The following PLXNA1 variants were observed in gnomAD, a reference collection of about 807,000 sequenced individuals.
The protein encoded by PLXNA1 is plexin-A1.
Under a neutral mutation model 191.7 loss-of-function variants are expected in PLXNA1, and 77 were observed. That is an observed-to-expected ratio of 0.40 (90% CI 0.33 to 0.49). PLXNA1 has a LOEUF of 0.49. Among genes scored for constraint, PLXNA1 ranks in the 20% least tolerant of loss-of-function variants. The pLI, the probability that PLXNA1 is intolerant of heterozygous loss-of-function variation, is 0.63. For synonymous variants in PLXNA1, 1,137 were observed against 1,156.4 expected (o/e 0.98, Z 0.34); for missense variants, 2,110 against 2,660.2 (o/e 0.79, Z 4.55).
chr3:127,022,672 G>A (rs2079157744), intron 22 of PLXNA1, 80 bp from the exon 23 acceptor site: 13 of 1,297,670 alleles, frequency 1.0e-5, no homozygotes, highest in Admixed American at 3.4e-5. Context: ...GGGTGGGATC[G>A]GTGAGTGAGG....
intron 1 of PLXNA1, among the ~76,000 whole-genome samples, chr3:126,987,592 T>C (rs2078965472): frequency 4.6e-5 from 7 of 152,022 alleles, no homozygotes; most frequent in Admixed American, 3.9e-4. Context: ...TATGGGGTGC[T>C]GAGGCTGGGA....
chr3:127,020,577 G>A (rs577311551), intron 21 of PLXNA1, among the ~76,000 whole-genome samples: 1 of 152,144 alleles, frequency 6.6e-6, no homozygotes, highest in African/African-American at 2.4e-5. Flanking sequence ...CAGGGGAATG[G>A]CCAGCACGGC....
chr3:127,022,974 C>T (rs1052717303), intron 23 of PLXNA1, among the ~76,000 whole-genome samples, 156 bp downstream of exon 23: 1 of 152,218 alleles, frequency 6.6e-6, no homozygotes, highest in Non-Finnish European at 1.5e-5. Context: ...GGCATGCAGC[C>T]GCTCTCAGCT....
At position 127,005,197 on chromosome 3, in the gene PLXNA1, C is replaced by T; in HGVS notation, c.1851C>T (p.Cys617=). ...TCCTGGAGGATGGCCGGATCCACTG[C>T]CGCTCACCCTCCGCCCGGGAGGTGG... ...ESVLEDGRIH[C]RSPSAREVAP... Residue 617 remains cysteine (C), a synonymous_variant, in exon 7 of 32, where the codon TGC becomes TGT. Transcript: ENST00000393409. 1.2e-6 allele frequency: 2 copies of T among 1,612,014 alleles called. No individual in the cohort carries two copies. The highest frequency in any genetic ancestry group is 2.2e-5 in the East Asian group (1 of 44,850).
chr3:127,018,433 A>G lies in PLXNA1; in HGVS notation c.3800A>G (p.Tyr1267Cys), dbSNP rs979881860. 2 of 1,613,024 alleles carry G rather than the reference A, an allele frequency of 1.2e-6. No individual in the cohort carries two copies. Among genetic ancestry groups the G allele is most frequent in the Non-Finnish European group, 1.7e-6 (2 of 1,179,994 alleles). ...GTCATCGTGGCTGTGCTCATCGCCTACAAGCGCAAGTCACGAGATGCTGAC... is the reference window on the plus strand; with the variant it reads ...GTCATCGTGGCTGTGCTCATCGCCTGCAAGCGCAAGTCACGAGATGCTGAC... ...LLVIVAVLIA[Y>C]KRKSRDADRT... Residue 1267 changes from tyrosine to cysteine, a missense_variant, in exon 20 of 32, where the codon TAC (tyrosine) becomes TGC (cysteine). By Grantham distance (194) the Tyr-to-Cys change is radical. Around this residue, in one of 4 missense-constraint regions of PLXNA1, gnomAD observed 559 missense variants for 911.5 expected, o/e 0.61. Coordinates refer to ENST00000393409, the MANE Select transcript of PLXNA1 (RefSeq NM_032242.4).
At chr3:126,984,241 C>G (rs1345405448) in intron 1 of PLXNA1, among the ~76,000 whole-genome samples, 4 of 152,174 alleles carry the variant, frequency 2.6e-5, no homozygotes, top group Non-Finnish European at 5.9e-5. Flanking sequence ...GGGCGGCGAT[C>G]TGCCCCAGGC....
At chr3:127,018,680 G>C (rs1050281196) in intron 20 of PLXNA1, 152 bp downstream of exon 20, 1 of 681,542 alleles carries the variant, frequency 1.5e-6, no homozygotes, top group Non-Finnish European at 2.5e-6. Flanking sequence ...CTGGTCCCAG[G>C]GCAGTGGGCG....
At chr3:127,032,622 G>T (rs368747801) in intron 30 of PLXNA1, 23 bp downstream of exon 30, 1 of 1,610,298 alleles carries the variant, frequency 6.2e-7, no homozygotes, top group Non-Finnish European at 8.5e-7. Flanking sequence ...TGCAGGGGTC[G>T]GGGGCAGGGG....
intron 3 of PLXNA1, among the ~76,000 whole-genome samples, chr3:126,998,292 C>T (rs1233109490): frequency 4.6e-5 from 7 of 152,102 alleles, no homozygotes; most frequent in Admixed American, 4.6e-4. Context: ...CTTTGAGGGC[C>T]CAGGGCCATG....
At position 127,034,184 on chromosome 3, in the gene PLXNA1, T is replaced by C; in HGVS notation, c.*167T>C. On this transcript the variant is annotated 3_prime_UTR_variant, in exon 32 of 32. Coordinates refer to ENST00000393409, the MANE Select transcript of PLXNA1 (RefSeq NM_032242.4). The stretch of plus-strand genomic sequence containing the variant: ...CCTCACCCGGTCGGGTCCCGGCTCT[T>C]CCTGTGTGGAGGTGATGGTACCTGC... 1.7e-6 allele frequency: 1 copy of C among 600,800 alleles called. No individual in the cohort carries two copies. The highest frequency in any genetic ancestry group is 2.9e-6 in the Non-Finnish European group (1 of 340,138). 37.2% of individuals were successfully genotyped at this position (600,800 alleles called of 1,614,324 possible).
In PLXNA1 at chr3:127,005,113, G is replaced by A; in HGVS notation, c.1767G>A (p.Val589=). The A allele has an allele frequency of 6.2e-7, 1 of 1,612,778 alleles. No homozygotes were observed. The highest frequency in any genetic ancestry group is 8.5e-7 in the Non-Finnish European group (1 of 1,179,934). The change falls in exon 7 of 32, where the codon GTG becomes GTA. Residue 589 remains valine (V), a synonymous_variant. Transcript: ENST00000393409. ...QVPLVLQAWN[V]PDLSAGVNCS... is the part of the protein sequence containing the mutation. ...AGCTTGTGCTGCAGGCCTGGAACGT[G>A]CCTGACCTCTCAGCTGGCGTCAACT...
chr3:127,018,580 C>T (rs560110955), intron 20 of PLXNA1, 52 bp downstream of exon 20: 2 of 1,434,328 alleles, frequency 1.4e-6, no homozygotes, highest in Admixed American at 3.5e-5. Context: ...GAGCCAGGCC[C>T]TGGCCTGTCC....
chr3:127,004,583 G>A, intron 4 of PLXNA1, 28 bp from the exon 5 acceptor site: 1 of 1,519,226 alleles, frequency 6.6e-7, no homozygotes, highest in Non-Finnish European at 9.0e-7. Flanking sequence ...GGTGGTACTG[G>A]AGGGGCCTGA....
chr3:127,014,727 G>A lies in PLXNA1; in HGVS notation c.2773G>A (p.Gly925Arg), dbSNP rs1363217701. 1.3e-5 allele frequency: 21 copies of A among 1,611,374 alleles called. No individual in the cohort carries two copies. Among genetic ancestry groups the A allele is most frequent in the South Asian group, 7.7e-5 (7 of 91,000 alleles). ...TGCCCACAGGATCGTCTGTGAGATC[G>A]GGGACGCCAGCTCCGTGCGTGCCCA... ...ISAEQIVCEI[G>R]DASSVRAHDA... The change falls in exon 14 of 32, where the codon GGG becomes AGG. Residue 925 changes from glycine (G) to arginine (R), a missense_variant. Physicochemically the swap from Gly to Arg is moderately radical, Grantham distance 125 (BLOSUM62 -2). Around this residue, in one of 4 missense-constraint regions of PLXNA1, gnomAD observed 644 missense variants for 714.3 expected, o/e 0.90. Transcript: ENST00000393409.
At chr3:126,995,260 C>G (rs1483527685) in intron 3 of PLXNA1, among the ~76,000 whole-genome samples, 1 of 152,306 alleles carries the variant, frequency 6.6e-6, no homozygotes, top group South Asian at 2.1e-4. Context: ...GCCTCTCCCC[C>G]TGGGGTGCCT....
chr3:127,021,394 G>A (rs2079151626), intron 21 of PLXNA1, among the ~76,000 whole-genome samples: 1 of 152,182 alleles, frequency 6.6e-6, no homozygotes, highest in East Asian at 1.9e-4. Flanking sequence ...TATCACTGGT[G>A]GCCTCTGGGC....
chr3:127,012,022 C>T lies in PLXNA1; in HGVS notation c.2177C>T (p.Thr726Ile). The part of the protein sequence containing the change: ...YVPVGVVKPI[T>I]LAARNLPQPQ... ...CCAGTGGGAGTGGTAAAACCCATCA[C>T]CCTGGCCGCACGGAACCTGCCACAG... The change falls in exon 10 of 32, where the codon ACC becomes ATC. Residue 726 changes from threonine (T) to isoleucine (I), a missense_variant. Physicochemically the swap from Thr to Ile is moderately conservative, Grantham distance 89. Transcript: ENST00000393409. 1.2e-6 allele frequency: 2 copies of T among 1,613,684 alleles called. No individual in the cohort carries two copies. The highest frequency in any genetic ancestry group is 1.7e-6 in the Non-Finnish European group (2 of 1,180,036).
chr3:127,011,603 T>C (rs1264858247), intron 9 of PLXNA1, among the ~76,000 whole-genome samples: 2 of 152,162 alleles, frequency 1.3e-5, no homozygotes, highest in African/African-American at 4.8e-5. Flanking sequence ...CTCTGGCTAT[T>C]TTTATACACT....
intron 1 of PLXNA1, among the ~76,000 whole-genome samples, chr3:126,987,817 G>A (rs1413614441): frequency 6.6e-6 from 1 of 152,150 alleles, no homozygotes; most frequent in Non-Finnish European, 1.5e-5. Context: ...GGGACACATT[G>A]CCTGGCTTCT....
Sources: gnomAD v4.1 joint callset for allele counts (sites outside exome capture counted in the v4.1 genomes callset) on GRCh38, gnomAD v4.1.1 for gene constraint, gnomAD v4.1.1 regional missense constraint, MANE v1.5 for transcripts, NCBI Gene and HGNC (gene_info 2026-07-23, HGNC 2026-07-21) for gene names.